Variants in SOS2 observed in about 807,000 individuals in gnomAD.
SOS2 encodes SOS Ras/Rho guanine nucleotide exchange factor 2.
Under a neutral mutation model 148.2 loss-of-function variants are expected in SOS2, and 65 were observed. That is an observed-to-expected ratio of 0.44 (90% CI 0.36 to 0.54). The LOEUF (loss-of-function observed/expected upper bound fraction) is 0.54. Among genes scored for constraint, SOS2 ranks in the 20% least tolerant of loss-of-function variants. SOS2 has a pLI of 0.00. For synonymous variants in SOS2, 539 were observed against 537.1 expected, an observed-to-expected ratio of 1.00 and a Z score of -0.05; for missense variants, 1,341 against 1,590.2, an observed-to-expected ratio of 0.84 and a Z score of 2.67.
Position 50,129,953 on chromosome 14 carries a change from A to G in SOS2, c.3379+8T>C. ...ATTTCATTAAGAATCAACTTAAATT[A>G]TACTTACTTGAATGTGGCAAAAGCA... is the stretch of plus-strand genomic sequence containing the variant. On this transcript the variant is annotated splice_region_variant and intron_variant, in intron 21 of 22. Coordinates refer to ENST00000216373, the MANE Select transcript of SOS2 (RefSeq NM_006939.4). 1 of 1,545,046 alleles carries G rather than the reference A, an allele frequency of 6.5e-7. No individual in the cohort carries two copies. Among genetic ancestry groups the G allele is most frequent in the Non-Finnish European group, 8.9e-7 (1 of 1,122,410 alleles).
intron 22 of SOS2, 100 bp from the exon 23 acceptor site, chr14:50,118,953 G>A: frequency 1.4e-6 from 1 of 701,852 alleles, no homozygotes; most frequent in Non-Finnish European, 2.2e-6. Flanking sequence ...TAAATTCAGA[G>A]GCTCAAAATA....
chr14:50,189,851 T>TTA (rs1886067891), intron 4 of SOS2, among the ~76,000 whole-genome samples: 1 of 14,550 alleles, frequency 6.9e-5, no homozygotes, highest in South Asian at 1.4e-3. Context: ...TTATTTTTTA[T>TTA]TTTTTTTTTT....
At chr14:50,131,880 C>G (rs545655954) in intron 19 of SOS2, among the ~76,000 whole-genome samples, 1 of 152,288 alleles carries the variant, frequency 6.6e-6, no homozygotes, top group South Asian at 2.1e-4. Context: ...CATTCCTGCT[C>G]TAATTGAAGA....
At chr14:50,135,706 A>G (rs1477093530) in intron 18 of SOS2, among the ~76,000 whole-genome samples, 1 of 132,708 alleles carries the variant, frequency 7.5e-6, no homozygotes, top group Non-Finnish European at 1.5e-5. Context: ...CTGGGATTAC[A>G]GGTATGAGCC....
intron 1 of SOS2, among the ~76,000 whole-genome samples, chr14:50,220,790 A>T (rs924743485): frequency 2.0e-5 from 3 of 152,214 alleles, no homozygotes; most frequent in South Asian, 4.1e-4. Flanking sequence ...CCATAATATA[A>T]TCAAATATGT....
At chr14:50,199,214 A>G (rs186761608) in intron 4 of SOS2, among the ~76,000 whole-genome samples, 14 of 152,290 alleles carry the variant, frequency 9.2e-5, no homozygotes, top group East Asian at 3.9e-4. Context: ...GGAAGACTCA[A>G]TTTCTTCCCA....
At chr14:50,225,579 T>A (rs1566488460) in intron 1 of SOS2, among the ~76,000 whole-genome samples, 1 of 152,244 alleles carries the variant, frequency 6.6e-6, no homozygotes, top group African/African-American at 2.4e-5. Context: ...AGTACATTCC[T>A]ACCGCTCATC....
At position 50,117,566 on chromosome 14, in the gene SOS2, T is replaced by A. The variant is rs1883328024; in HGVS notation, c.*778A>T. The A allele has an allele frequency of 6.6e-6, 1 of 152,170 alleles. No individual in the cohort carries two copies. The highest frequency in any genetic ancestry group is 2.4e-5 in the African/African-American group (1 of 41,446). 9.4% of individuals were successfully genotyped at this position (152,170 alleles called of 1,614,324 possible). ...AAATTTATATAGGTTATTAGCAGTA[T>A]CTTTAAATATACAATATAAACAAAA... On this transcript the variant is annotated 3_prime_UTR_variant, in exon 23 of 23. Coordinates refer to ENST00000216373, the MANE Select transcript of SOS2 (RefSeq NM_006939.4).
chr14:50,201,189 T>C (rs924861030), intron 2 of SOS2, 105 bp from the exon 3 acceptor site: 31 of 1,045,926 alleles, frequency 3.0e-5, no homozygotes, highest in Middle Eastern at 2.2e-4. Context: ...TAGCAGATAA[T>C]AGTGACACAA....
rs759387323 is a variant in SOS2, at chr14:50,231,209, C to T, written c.75G>A (p.Ser25=). The T allele has an allele frequency of 2.7e-6, 4 of 1,490,416 alleles. No individual in the cohort carries two copies. Among genetic ancestry groups the T allele is most frequent in the Non-Finnish European group, 3.6e-6 (4 of 1,106,306 alleles). 92.3% of individuals were successfully genotyped at this position (1,490,416 alleles called of 1,614,324 possible). A position where few individuals can be genotyped will look rare whatever the true frequency, so the allele number is the denominator to read the frequency against. ...CCCTAGCACTGACCTTCCGCAGGGC[C>T]GAGACCAACAGTCCCCGCCATTTCG... ...NSPKWRGLLV[S]ALRKVQEQVH... is the part of the protein sequence containing the mutation. Residue 25 remains serine, a synonymous_variant, in exon 1 of 23, where the codon TCG becomes TCA. Coordinates refer to ENST00000216373, the MANE Select transcript of SOS2 (RefSeq NM_006939.4).
intron 21 of SOS2, among the ~76,000 whole-genome samples, chr14:50,123,837 C>A (rs1002663323): frequency 6.6e-6 from 1 of 152,064 alleles, no homozygotes; most frequent in African/African-American, 2.4e-5. Flanking sequence ...TGGCTTGGAC[C>A]AGGGTGGCAG....
At chr14:50,189,281 T>C (rs1886035612) in intron 4 of SOS2, among the ~76,000 whole-genome samples, 1 of 124,716 alleles carries the variant, frequency 8.0e-6, no homozygotes, top group South Asian at 2.4e-4. Flanking sequence ...AATACATATG[T>C]ATATGTATAT....
chr14:50,182,898 A>C (rs1399080153), intron 5 of SOS2, among the ~76,000 whole-genome samples: 1 of 152,188 alleles, frequency 6.6e-6, no homozygotes, highest in African/African-American at 2.4e-5. Flanking sequence ...TATGGGTGGT[A>C]CTCGTTTTCT....
chr14:50,212,895 G>C lies in SOS2; in HGVS notation c.88-8486C>G, dbSNP rs114335063. On this transcript the variant is annotated intron_variant, in intron 1 of 22. Transcript: ENST00000216373. Reference sequence around the variant, plus strand: ...TCAACAGTAATACTAGAAGCTAGATGGTAATGATGTTCAGCCTGGAATCCA... The same window carrying C: ...TCAACAGTAATACTAGAAGCTAGATCGTAATGATGTTCAGCCTGGAATCCA... Among the ~76,000 whole-genome samples, 877 of 152,244 alleles carry C rather than the reference G, an allele frequency of 5.8e-3. 11 individuals are homozygous for C. Among genetic ancestry groups the C allele is most frequent in the African/African-American group, 0.019 (789 of 41,536 alleles).
rs758436424 is a variant in SOS2, at chr14:50,118,638, C to G, written c.3705G>C (p.Gln1235His). 8 of 1,613,874 alleles carry G rather than the reference C, an allele frequency of 5.0e-6. No homozygotes were observed. Among genetic ancestry groups the G allele is most frequent in the Non-Finnish European group, 5.9e-6 (7 of 1,179,986 alleles). ...TGTGAAGATGCCCCAGTGGAGGTGGCTGAAGATTAAATGGACAGTTTATAA... is the reference window on the plus strand; with the variant it reads ...TGTGAAGATGCCCCAGTGGAGGTGGGTGAAGATTAAATGGACAGTTTATAA... ...EHFINCPFNL[Q>H]PPPLGHLHRD... is the part of the protein sequence containing the mutation. The change falls in exon 23 of 23, where the codon CAG becomes CAC. Residue 1235 changes from glutamine to histidine, a missense_variant. Gln to His is a conservative substitution (Grantham distance 24). Coordinates refer to ENST00000216373, the MANE Select transcript of SOS2 (RefSeq NM_006939.4).
At chr14:50,153,675 C>T (rs147507993) in intron 12 of SOS2, among the ~76,000 whole-genome samples, 3,070 of 152,186 alleles carry the variant, frequency 0.02, 38 homozygotes, top group Middle Eastern at 0.037. Context: ...TGCAATGGTG[C>T]GATCTCAGCT....
At chr14:50,175,243 T>C (rs1045672520) in intron 7 of SOS2, among the ~76,000 whole-genome samples, 58 of 152,294 alleles carry the variant, frequency 3.8e-4, no homozygotes, top group African/African-American at 1.4e-3. Context: ...ATGAAGTACT[T>C]ACAATAAGGT....
At chr14:50,133,627 C>A (rs1883980072) in intron 19 of SOS2, among the ~76,000 whole-genome samples, 1 of 152,174 alleles carries the variant, frequency 6.6e-6, no homozygotes, top group African/African-American at 2.4e-5. Context: ...TCTTGCTTCA[C>A]TTTTAGCTAC....
At chr14:50,210,882 A>G (rs1243478189) in intron 1 of SOS2, among the ~76,000 whole-genome samples, 1 of 152,182 alleles carries the variant, frequency 6.6e-6, no homozygotes, top group African/African-American at 2.4e-5. Context: ...AAATTCTGAT[A>G]ATATCAAATG....
Sources: gnomAD v4.1 joint callset for allele counts (sites outside exome capture counted in the v4.1 genomes callset) on GRCh38, gnomAD v4.1.1 for gene constraint, MANE v1.5 for transcripts, NCBI Gene and HGNC (gene_info 2026-07-23, HGNC 2026-07-21) for gene names.